CIAO3: variants seen among roughly 807,000 people sequenced by gnomAD.
CIAO3 encodes LET1 like/JFP15.
CIAO3 carries 45 observed loss-of-function variants against 51.5 expected under a neutral mutation model. That is an observed-to-expected ratio of 0.87 (90% confidence interval 0.69 to 1.12). The LOEUF (loss-of-function observed/expected upper bound fraction) is 1.12, where lower values mean the gene tolerates loss of function less well. Ranked by LOEUF, CIAO3 falls within the 50% of genes most tolerant of loss-of-function variation. The pLI is 0.00. For synonymous variants in CIAO3, 314 were observed against 269.3 expected, an observed-to-expected ratio of 1.17 and a Z score of -1.63; for missense variants, 668 against 632.5, an observed-to-expected ratio of 1.06 and a Z score of -0.60.
chr16:739,514 G>A (rs531749597), intron 2 of CIAO3, 129 bp downstream of exon 2: 1 of 941,136 alleles, frequency 1.1e-6, no homozygotes, highest in Non-Finnish European at 1.7e-6. Flanking sequence ...AGGTGAATTC[G>A]ACCAGTGGGA....
intron 2 of CIAO3, 93 bp downstream of exon 2, chr16:739,550 T>G: frequency 7.9e-7 from 1 of 1,273,220 alleles, no homozygotes; most frequent in Non-Finnish European, 1.1e-6. Context: ...CTGGAGTGTC[T>G]CGGGGTCACC....
At chr16:738,514 A>T in intron 2 of CIAO3, 1 of 164,204 alleles carries the variant, frequency 6.1e-6, no homozygotes, top group Non-Finnish European at 1.1e-5. Context: ...CGCCCAGCTA[A>T]TTTTTTTTTT....
chr16:739,495 C>T, intron 2 of CIAO3, 148 bp downstream of exon 2: 1 of 792,288 alleles, frequency 1.3e-6, no homozygotes, highest in Admixed American at 2.2e-5. Context: ...CCCCAGCCTC[C>T]CAGATGGCAG....
At chr16:732,787 A>G in intron 7 of CIAO3, 1 of 337,700 alleles carries the variant, frequency 3.0e-6, no homozygotes, top group East Asian at 7.8e-5. Flanking sequence ...CAGGAGCACC[A>G]CCACTACTCC....
In CIAO3 at chr16:729,927, C is replaced by A. The variant is rs903311376; in HGVS notation, c.*490G>T. The A allele has an allele frequency of 2.3e-5, 8 of 349,488 alleles. No individual in the cohort carries two copies. Among genetic ancestry groups the A allele is most frequent in the Non-Finnish European group, 2.7e-5 (5 of 187,120 alleles). The allele number at this position is 349,488 out of a possible 1,614,324, so 21.6% of individuals were successfully genotyped here. On this transcript the variant is annotated 3_prime_UTR_variant, in exon 11 of 11. Coordinates refer to ENST00000251588, the MANE Select transcript of CIAO3 (RefSeq NM_022493.3). ...CCCTGCTTTCCAGGGGCCTGGCACC[C>A]CCCCCTGCCAGGGTCCACACGCAGG...
At chr16:736,426 AC>A in intron 3 of CIAO3, 28 bp from the exon 4 acceptor site, 1 of 1,611,436 alleles carries the variant, frequency 6.2e-7, no homozygotes, top group Non-Finnish European at 8.5e-7. Context: ...GACGCTGCTT[AC>A]TCTGCTGGCC....
Position 734,794 on chromosome 16 carries a change from A to G in CIAO3, c.517T>C (p.Phe173Leu). Residue 173 changes from phenylalanine (F) to leucine (L), a missense_variant, in exon 5 of 11, where the codon TTC becomes CTC. Physicochemically the swap from Phe to Leu is conservative, Grantham distance 22. Transcript: ENST00000251588. ...LESQREFVRR[F>L]RGQADCRQAL... ...TGTCTGCAGTCGGCCTGTCCTCGGAATCGCCGCACAAACTCTCGCTGGCTC... is the reference window on the plus strand; with the variant it reads ...TGTCTGCAGTCGGCCTGTCCTCGGAGTCGCCGCACAAACTCTCGCTGGCTC... The G allele has an allele frequency of 6.2e-7, 1 of 1,608,300 alleles. No individual in the cohort carries two copies. The highest frequency in any genetic ancestry group is 8.5e-7 in the Non-Finnish European group (1 of 1,176,382).
chr16:737,158 C>T lies in CIAO3; in HGVS notation c.306+28G>A. The stretch of plus-strand genomic sequence containing the variant: ...TGCTGGGATGGATTTCAGGTTAAAG[C>T]AGAGTCACCAGGCCGACCACTGCTT... On this transcript the variant is annotated intron_variant, in intron 3 of 10. Transcript: ENST00000251588. This position sits in a 1 kb window ranked among gnomAD's most constrained non-coding sequence, Gnocchi z 5.3. The T allele has an allele frequency of 6.2e-7, 1 of 1,612,914 alleles. No homozygotes were observed. Among genetic ancestry groups the T allele is most frequent in the Non-Finnish European group, 8.5e-7 (1 of 1,179,540 alleles).
At chr16:739,560 C>T (rs768706557) in intron 2 of CIAO3, 83 bp downstream of exon 2, 69 of 1,368,796 alleles carry the variant, frequency 5.0e-5, no homozygotes, top group Admixed American at 6.7e-5. Flanking sequence ...TCGGGGTCAC[C>T]GCTCTGTGAC....
At chr16:732,921 C>T in intron 7 of CIAO3, 1 of 317,686 alleles carries the variant, frequency 3.1e-6, no homozygotes, top group Non-Finnish European at 6.1e-6. Flanking sequence ...CAGGCGTGAG[C>T]CACCATGCCC....
chr16:733,518 G>A (rs1028636343), intron 6 of CIAO3, 91 bp from the exon 7 acceptor site: 54 of 1,563,360 alleles, frequency 3.5e-5, no homozygotes, highest in Admixed American at 1.2e-4. Flanking sequence ...CAGCCAGGCC[G>A]GACCCCGAGG....
intron 4 of CIAO3, 86 bp downstream of exon 4, chr16:736,180 A>T: frequency 6.5e-7 from 1 of 1,538,544 alleles, no homozygotes; most frequent in Non-Finnish European, 8.9e-7. Flanking sequence ...GTAGCGTGTC[A>T]GTGACTCAGA....
chr16:732,659 C>T (rs56922490), intron 7 of CIAO3: 6,631 of 453,976 alleles, frequency 0.015, 378 homozygotes, highest in African/African-American at 0.12. Flanking sequence ...TTTTTTGAGA[C>T]GGAGTCTCAC....
At chr16:736,137 TAA>T in intron 4 of CIAO3, 127 bp downstream of exon 4, 3 of 1,229,252 alleles carry the variant, frequency 2.4e-6, no homozygotes, top group Non-Finnish European at 3.4e-6. Context: ...ACAGAGGGAA[TAA>T]AGTTTCTGTA....
chr16:731,481 G>A (rs1417653183), intron 9 of CIAO3, 84 bp downstream of exon 9: 1 of 1,440,358 alleles, frequency 6.9e-7, no homozygotes, highest in Non-Finnish European at 9.2e-7. Context: ...ACCTCTGTGG[G>A]AGGACCCCAG....
At chr16:736,174 C>T (rs1375233023) in intron 4 of CIAO3, 92 bp downstream of exon 4, 12 of 1,496,838 alleles carry the variant, frequency 8.0e-6, no homozygotes, top group African/African-American at 6.9e-5. Context: ...GGCTGGGTAG[C>T]GTGTCAGTGA....
intron 6 of CIAO3, chr16:734,008 G>T: frequency 1.9e-6 from 1 of 535,736 alleles, no homozygotes; most frequent in Non-Finnish European, 3.4e-6. Context: ...CTCAGGCCTG[G>T]CTGCCTCTGG....
chr16:740,824 C>T, intron 1 of CIAO3, 96 bp downstream of exon 1: 1 of 1,270,202 alleles, frequency 7.9e-7, no homozygotes, highest in South Asian at 1.3e-5. Context: ...ATTCGGATCT[C>T]ATTCCTCAGG....
chr16:737,558 G>A lies in CIAO3; in HGVS notation c.163-229C>T, dbSNP rs1233055390. Reference sequence around the variant, plus strand: ...TTGGTACCACTTGGTTAGTGCATCCGAATCACAGGACTAAGGCTTGCCACT... The same window carrying A: ...TTGGTACCACTTGGTTAGTGCATCCAAATCACAGGACTAAGGCTTGCCACT... On this transcript the variant is annotated intron_variant, in intron 2 of 10. Coordinates refer to ENST00000251588, the MANE Select transcript of CIAO3 (RefSeq NM_022493.3). This position sits in a 1 kb window ranked among gnomAD's most constrained non-coding sequence, Gnocchi z 5.3. 6.0e-6 allele frequency: 9 copies of A among 1,490,670 alleles called. No homozygotes were observed. The highest frequency in any genetic ancestry group is 2.7e-5 in the East Asian group (1 of 36,854). 92.3% of individuals were successfully genotyped at this position (1,490,670 alleles called of 1,614,324 possible).
Sources: gnomAD v4.1 joint callset for allele counts on GRCh38, gnomAD v4.1.1 for gene constraint, Gnocchi (gnomAD v3.1) non-coding constraint, MANE v1.5 for transcripts, NCBI Gene and HGNC (gene_info 2026-07-23, HGNC 2026-07-21) for gene names.